Variants in ALCAM observed in about 807,000 individuals in gnomAD.
The protein encoded by ALCAM is CD166 antigen.
Under a neutral mutation model 70.9 loss-of-function variants are expected in ALCAM, and 30 were observed. That is an observed-to-expected ratio of 0.42 (90% CI 0.32 to 0.57). The LOEUF (loss-of-function observed/expected upper bound fraction) is 0.57, where lower values mean the gene tolerates loss of function less well. Ranked by LOEUF, ALCAM falls within the 20% of genes least tolerant of loss-of-function variation. The pLI is 0.11. For synonymous variants in ALCAM, 249 were observed against 242.5 expected (o/e 1.03, Z -0.25); for missense variants, 591 against 695.1 (o/e 0.85, Z 1.68).
chr3:105,525,551 T>C (rs1180641009), intron 3 of ALCAM, among the ~76,000 whole-genome samples: 1 of 152,144 alleles, frequency 6.6e-6, no homozygotes, highest in Non-Finnish European at 1.5e-5. Context: ...TGACAGCGCT[T>C]AGAAATTATT....
chr3:105,382,274 A>C (rs966398300), intron 1 of ALCAM, among the ~76,000 whole-genome samples: 94 of 151,912 alleles, frequency 6.2e-4, no homozygotes, highest in African/African-American at 2.1e-3. Flanking sequence ...TGAATTCATC[A>C]TTTTTTATGG....
intron 6 of ALCAM, among the ~76,000 whole-genome samples, chr3:105,538,241 T>C (rs1257297000): frequency 6.6e-6 from 1 of 151,998 alleles, no homozygotes; most frequent in Non-Finnish European, 1.5e-5. Flanking sequence ...TAGGGAAGTG[T>C]TAGTGAGAAT....
intron 1 of ALCAM, among the ~76,000 whole-genome samples, chr3:105,494,492 A>C (rs981532941): frequency 2.0e-5 from 3 of 148,402 alleles, no homozygotes; most frequent in Non-Finnish European, 1.5e-5. Flanking sequence ...TTTTCGGCCT[A>C]AGCAGGAACT....
intron 1 of ALCAM, among the ~76,000 whole-genome samples, chr3:105,373,676 G>A (rs1935302076): frequency 6.6e-6 from 1 of 152,012 alleles, no homozygotes; most frequent in South Asian, 2.1e-4. Flanking sequence ...TTATGATATT[G>A]GTGACTTTTT....
chr3:105,551,810 C>T (rs548038113), intron 12 of ALCAM, among the ~76,000 whole-genome samples: 42 of 151,084 alleles, frequency 2.8e-4, no homozygotes, highest in African/African-American at 9.9e-4. Context: ...TCCTAGGTGC[C>T]GACTTGCTTC....
At chr3:105,415,513 G>C (rs894693940) in intron 1 of ALCAM, among the ~76,000 whole-genome samples, 1 of 152,054 alleles carries the variant, frequency 6.6e-6, no homozygotes, top group Non-Finnish European at 1.5e-5. Flanking sequence ...CTGATGATCA[G>C]CCCCAAGGCC....
chr3:105,553,047 A>G, intron 14 of ALCAM: 1 of 998,196 alleles, frequency 1.0e-6, no homozygotes, highest in Non-Finnish European at 1.2e-6. Context: ...CCCATATTCT[A>G]GTTAGTTGAC....
chr3:105,517,240 A>C (rs1407045443), intron 1 of ALCAM, among the ~76,000 whole-genome samples: 2 of 152,112 alleles, frequency 1.3e-5, no homozygotes, highest in Non-Finnish European at 2.9e-5. Context: ...TCACAAGAAG[A>C]GAGAAGTTGA....
At chr3:105,480,701 A>C (rs1938247691) in intron 1 of ALCAM, among the ~76,000 whole-genome samples, 1 of 152,206 alleles carries the variant, frequency 6.6e-6, no homozygotes, top group Non-Finnish European at 1.5e-5. Flanking sequence ...GCAGAAAGCT[A>C]GACTTTAGTT....
At chr3:105,464,505 A>G (rs997087215) in intron 1 of ALCAM, among the ~76,000 whole-genome samples, 19 of 151,324 alleles carry the variant, frequency 1.3e-4, no homozygotes, top group Non-Finnish European at 2.7e-4. Context: ...TTTCTCCTTC[A>G]TAATTATAAG....
intron 1 of ALCAM, among the ~76,000 whole-genome samples, chr3:105,407,061 A>G (rs1017901873): frequency 1.2e-4 from 19 of 152,114 alleles, no homozygotes; most frequent in African/African-American, 4.6e-4. Context: ...AAATGGTAAT[A>G]AAAAGAAAAT....
chr3:105,399,789 G>A (rs1270951463), intron 1 of ALCAM, among the ~76,000 whole-genome samples: 1 of 152,010 alleles, frequency 6.6e-6, no homozygotes, highest in Non-Finnish European at 1.5e-5. Flanking sequence ...TTCCCACAAA[G>A]ACAACAAGAG....
intron 1 of ALCAM, among the ~76,000 whole-genome samples, chr3:105,442,036 T>G (rs1290310997): frequency 6.6e-6 from 1 of 152,244 alleles, no homozygotes; most frequent in Non-Finnish European, 1.5e-5. Flanking sequence ...CCAAAGGTAT[T>G]TAATGCACAC....
chr3:105,372,856 C>T (rs1935271695), intron 1 of ALCAM, among the ~76,000 whole-genome samples: 1 of 152,042 alleles, frequency 6.6e-6, no homozygotes, highest in Non-Finnish European at 1.5e-5. Flanking sequence ...TGAGATGAAA[C>T]TAAACCTTTG....
At chr3:105,464,343 A>T (rs1043110598) in intron 1 of ALCAM, among the ~76,000 whole-genome samples, 1 of 150,194 alleles carries the variant, frequency 6.7e-6, no homozygotes, top group Non-Finnish European at 1.5e-5. Context: ...CAAAGAGTTT[A>T]GTTATGGGGG....
chr3:105,525,636 C>T (rs960481828), intron 3 of ALCAM, among the ~76,000 whole-genome samples: 2 of 152,192 alleles, frequency 1.3e-5, no homozygotes, highest in Admixed American at 1.3e-4. Context: ...TCCTGTTTCT[C>T]TTGTAATAGC....
intron 1 of ALCAM, among the ~76,000 whole-genome samples, chr3:105,412,749 T>A (rs1022406881): frequency 6.6e-6 from 1 of 152,128 alleles, no homozygotes; most frequent in Non-Finnish European, 1.5e-5. Context: ...CCTAGCCACC[T>A]AATTTTGGAA....
chr3:105,426,128 C>T (rs1936784901), intron 1 of ALCAM, among the ~76,000 whole-genome samples: 2 of 151,740 alleles, frequency 1.3e-5, no homozygotes, highest in Admixed American at 6.6e-5. Context: ...ATTTTTCAAA[C>T]TATATTTAGT....
chr3:105,399,961 TC>T (rs1936048557), intron 1 of ALCAM, among the ~76,000 whole-genome samples: 1 of 152,186 alleles, frequency 6.6e-6, no homozygotes, highest in South Asian at 2.1e-4. Flanking sequence ...GTCCTAAATT[TC>T]CTTACCCCAT....
Sources: allele counts gnomAD v4.1 joint callset (sites outside exome capture counted in the v4.1 genomes callset), GRCh38; gene constraint gnomAD v4.1.1; transcripts MANE v1.5; gene names NCBI Gene and HGNC (gene_info 2026-07-23, HGNC 2026-07-21).